Variants in CSMD1 observed in about 807,000 individuals in gnomAD.
The protein encoded by CSMD1 is CUB and sushi domain-containing protein 1.
In CSMD1, 213 loss-of-function variants were observed where a neutral mutation model predicts 417.5. The ratio of observed to expected loss-of-function variants is 0.51; its 90% confidence interval spans 0.46 to 0.57. The LOEUF (loss-of-function observed/expected upper bound fraction) is 0.57. Ranked by LOEUF, CSMD1 falls within the 20% of genes least tolerant of loss-of-function variation. The probability of loss-of-function intolerance (pLI) is 0.00; values close to 1 mark genes in which losing one functional copy is unlikely to be tolerated. For missense variants in CSMD1, 6,923 were observed against 4,529.7 expected (o/e 1.53, Z -15.17); for synonymous variants, 2,862 against 1,736.8 (o/e 1.65, Z -16.11).
At chr8:4,543,554 G>T (rs1046165016) in intron 2 of CSMD1, among the ~76,000 whole-genome samples, 1 of 151,296 alleles carries the variant, frequency 6.6e-6, no homozygotes, top group African/African-American at 2.4e-5. Flanking sequence ...CATATTGGAT[G>T]CTTCCAGTTT....
At chr8:3,026,364 GCCTCACTGGA>G (rs1228587046) in intron 51 of CSMD1, among the ~76,000 whole-genome samples, 41 of 152,134 alleles carry the variant, frequency 2.7e-4, no homozygotes, top group Admixed American at 1.7e-3. Context: ...AGCCCACTGG[GCCTCACTGGA>G]CCTCACTGGA....
At chr8:3,625,071 GTTT>G (rs11371258) in intron 7 of CSMD1, among the ~76,000 whole-genome samples, 12 of 150,358 alleles carry the variant, frequency 8.0e-5, no homozygotes, top group Non-Finnish European at 3.0e-5. Context: ...ATGCATAACA[GTTT>G]TTTTTTTATT....
chr8:4,581,024 T>A (rs1390510510), intron 2 of CSMD1, among the ~76,000 whole-genome samples: 1 of 152,182 alleles, frequency 6.6e-6, no homozygotes, highest in Non-Finnish European at 1.5e-5. Flanking sequence ...TGGTCATGGC[T>A]AGGTAAATCA....
intron 1 of CSMD1, among the ~76,000 whole-genome samples, chr8:4,736,294 G>A (rs576169623): frequency 2.0e-5 from 3 of 152,274 alleles, no homozygotes; most frequent in Admixed American, 2.0e-4. Context: ...ACTCTGTTGT[G>A]TATCCAGGAA....
chr8:3,300,232 A>C (rs1804283675), intron 25 of CSMD1, among the ~76,000 whole-genome samples: 1 of 152,206 alleles, frequency 6.6e-6, no homozygotes, highest in African/African-American at 2.4e-5. Context: ...AAAATAATTA[A>C]ATAAAAAGAT....
chr8:3,661,005 G>A (rs1002018867), intron 7 of CSMD1, among the ~76,000 whole-genome samples: 4 of 152,310 alleles, frequency 2.6e-5, no homozygotes, highest in African/African-American at 9.6e-5. Context: ...AGCACCCAGC[G>A]TCAACTGCTA....
chr8:2,954,586 C>T (rs1320339397), intron 64 of CSMD1, among the ~76,000 whole-genome samples: 2 of 152,182 alleles, frequency 1.3e-5, no homozygotes, highest in East Asian at 3.9e-4. Flanking sequence ...GAATACCCTG[C>T]CACATACTAA....
intron 1 of CSMD1, among the ~76,000 whole-genome samples, chr8:4,834,706 C>G (rs572656711): frequency 6.6e-6 from 1 of 151,920 alleles, no homozygotes; most frequent in African/African-American, 2.4e-5. Context: ...CCTGTAATCC[C>G]AGCACTTTGG....
chr8:4,057,819 G>A (rs565765872), intron 3 of CSMD1, among the ~76,000 whole-genome samples: 2 of 152,222 alleles, frequency 1.3e-5, no homozygotes, highest in East Asian at 1.9e-4. Flanking sequence ...GTTTTTGTCA[G>A]GTTTGTCAAA....
At chr8:3,987,593 C>T (rs1814428698) in intron 5 of CSMD1, among the ~76,000 whole-genome samples, 1 of 152,184 alleles carries the variant, frequency 6.6e-6, no homozygotes, top group Non-Finnish European at 1.5e-5. Context: ...CCTCGTTCTT[C>T]TCACTCTAAG....
intron 5 of CSMD1, among the ~76,000 whole-genome samples, chr8:3,775,650 T>C (rs1019800867): frequency 1.3e-5 from 2 of 152,202 alleles, no homozygotes; most frequent in Non-Finnish European, 2.9e-5. Flanking sequence ...GTAAAAGTCA[T>C]AGATTGTCGG....
intron 2 of CSMD1, among the ~76,000 whole-genome samples, chr8:4,543,175 C>G (rs1797477169): frequency 2.0e-5 from 3 of 152,168 alleles, no homozygotes; most frequent in South Asian, 2.1e-4. Flanking sequence ...TATTGACATT[C>G]TATTTCTTTG....
intron 3 of CSMD1, among the ~76,000 whole-genome samples, chr8:4,107,374 G>A (rs912910384): frequency 6.6e-6 from 1 of 152,150 alleles, no homozygotes; most frequent in Non-Finnish European, 1.5e-5. Context: ...AGAGGATAAA[G>A]TCCTCTCTAT....
intron 1 of CSMD1, among the ~76,000 whole-genome samples, chr8:4,754,279 C>G (rs978004224): frequency 1.3e-5 from 2 of 152,046 alleles, no homozygotes; most frequent in Non-Finnish European, 2.9e-5. Context: ...AGACAATTGC[C>G]AGAAATTGCA....
At chr8:4,272,272 A>G (rs1361282491) in intron 3 of CSMD1, among the ~76,000 whole-genome samples, 3 of 152,318 alleles carry the variant, frequency 2.0e-5, no homozygotes, top group South Asian at 4.1e-4. Context: ...GGACTTTAAG[A>G]AAACTTATAA....
At chr8:3,927,924 CTTTGT>C (rs943853986) in intron 5 of CSMD1, among the ~76,000 whole-genome samples, 2 of 151,938 alleles carry the variant, frequency 1.3e-5, no homozygotes, top group African/African-American at 2.4e-5. Flanking sequence ...ACATCAAATT[CTTTGT>C]TTTGTTAGAT....
Position 3,305,890 on chromosome 8 carries a change from C to T in CSMD1, c.3950+1805G>A, listed in dbSNP as rs187550667. On this transcript the variant is annotated intron_variant, in intron 25 of 69. Coordinates refer to ENST00000635120, the MANE Select transcript of CSMD1 (RefSeq NM_033225.6). Reference sequence around the variant, plus strand: ...AGAGAAGGGGTTTCACCATGTTAGCCAGGATGATCTTGATCTCCTCACCTG... The same window carrying T: ...AGAGAAGGGGTTTCACCATGTTAGCTAGGATGATCTTGATCTCCTCACCTG... Among the ~76,000 whole-genome samples the T allele has an allele frequency of 1.8e-3, 276 of 152,196 alleles. 2 individuals carry two copies. Among genetic ancestry groups the T allele is most frequent in the African/African-American group, 6.1e-3 (253 of 41,538 alleles).
At chr8:4,838,783 G>T (rs903646586) in intron 1 of CSMD1, among the ~76,000 whole-genome samples, 2 of 152,146 alleles carry the variant, frequency 1.3e-5, no homozygotes, top group African/African-American at 4.8e-5. Context: ...CCCAGAGTTT[G>T]GTCGGAACCG....
intron 3 of CSMD1, among the ~76,000 whole-genome samples, chr8:4,261,209 A>G (rs780972043): frequency 2.6e-5 from 4 of 152,202 alleles, no homozygotes; most frequent in African/African-American, 4.8e-5. Flanking sequence ...CTACTAGAGA[A>G]AGGAGGACCA....
Sources: allele counts gnomAD v4.1 joint callset (sites outside exome capture counted in the v4.1 genomes callset), GRCh38; gene constraint gnomAD v4.1.1; transcripts MANE v1.5; gene names NCBI Gene and HGNC (gene_info 2026-07-23, HGNC 2026-07-21).